LRP1B: variants seen among roughly 807,000 people sequenced by gnomAD.
LRP1B encodes low-density lipoprotein receptor-related protein 1B.
Under a neutral mutation model 556.6 loss-of-function variants are expected in LRP1B, and 217 were observed. The observed-to-expected ratio is 0.39, with a 90% CI of 0.35 to 0.44. The LOEUF is 0.44. Ranked by LOEUF, LRP1B falls within the 20% of genes least tolerant of loss-of-function variation. LRP1B has a pLI of 1.00. For synonymous variants in LRP1B, 2,047 were observed against 1,865.8 expected, an observed-to-expected ratio of 1.10 and a Z score of -2.50; for missense variants, 5,053 against 5,620.8, an observed-to-expected ratio of 0.90 and a Z score of 3.23.
At chr2:140,770,764 A>C in intron 34 of LRP1B, 117 bp downstream of exon 34, 3 of 702,908 alleles carry the variant, frequency 4.3e-6, no homozygotes, top group Non-Finnish European at 6.7e-6. Context: ...ACCATTTCCT[A>C]ATAACTAGTT....
intron 1 of LRP1B, among the ~76,000 whole-genome samples, chr2:142,035,798 A>G (rs1052876301): frequency 1.3e-5 from 2 of 151,646 alleles, no homozygotes; most frequent in African/African-American, 4.8e-5. Context: ...CTGTGTCCTC[A>G]CCGAAATCTC....
At position 141,271,876 on chromosome 2, in the gene LRP1B, A is replaced by G. The variant is rs576994768; in HGVS notation, c.344-17235T>C. On this transcript the variant is annotated intron_variant, in intron 3 of 90. Coordinates refer to ENST00000389484, the MANE Select transcript of LRP1B (RefSeq NM_018557.3). ...GTTGATTTATAAAGCAATTATGTAA[A>G]AATTATGTACATAATTGTATCAGGC... Among the ~76,000 whole-genome samples the G allele has an allele frequency of 1.6e-4, 25 of 152,058 alleles. No homozygotes were observed. The South Asian group carries it at 5.2e-3, about 32-fold the overall frequency.
At chr2:141,652,972 T>G (rs1035856432) in intron 2 of LRP1B, among the ~76,000 whole-genome samples, 1 of 152,210 alleles carries the variant, frequency 6.6e-6, no homozygotes, top group Non-Finnish European at 1.5e-5. Context: ...ATAATTATTT[T>G]GGGTTGTGAG....
In LRP1B at chr2:140,494,564, G is replaced by C. The variant is rs767723002; in HGVS notation, c.9034+1001C>G. 5.8e-5 allele frequency among the ~76,000 whole-genome samples: 8 copies of C among 137,690 alleles called. No homozygotes were observed. The Admixed American group carries it at 6.4e-4, about 11-fold the overall frequency. 90.3% of individuals were successfully genotyped at this position (137,690 alleles called of 152,430 possible). A position where few individuals can be genotyped will look rare whatever the true frequency, so the allele number is the denominator to read the frequency against. ...AGAGCTTGCAGCGAGCTAAGATCGCGCCACTGCACTCCAGCCTGGGTGACA... is the reference window on the plus strand; with the variant it reads ...AGAGCTTGCAGCGAGCTAAGATCGCCCCACTGCACTCCAGCCTGGGTGACA... On this transcript the variant is annotated intron_variant, in intron 56 of 90. Coordinates refer to ENST00000389484, the MANE Select transcript of LRP1B (RefSeq NM_018557.3).
intron 43 of LRP1B, among the ~76,000 whole-genome samples, chr2:140,588,756 G>T (rs1682091728): frequency 6.6e-6 from 1 of 152,072 alleles, no homozygotes; most frequent in African/African-American, 2.4e-5. Flanking sequence ...ACGAGGTCAG[G>T]AGATCAGCCT....
At chr2:140,500,097 T>G (rs1417017492) in intron 55 of LRP1B, among the ~76,000 whole-genome samples, 6 of 152,144 alleles carry the variant, frequency 3.9e-5, no homozygotes, top group African/African-American at 1.2e-4. Context: ...TCACTTGCTT[T>G]CTTTCTTTCT....
At chr2:140,607,891 T>C (rs1458533722) in intron 41 of LRP1B, among the ~76,000 whole-genome samples, 1 of 152,010 alleles carries the variant, frequency 6.6e-6, no homozygotes, top group East Asian at 1.9e-4. Flanking sequence ...ATGAATGGGA[T>C]GCAATAGATT....
intron 3 of LRP1B, among the ~76,000 whole-genome samples, chr2:141,362,621 C>G (rs1377575753): frequency 6.6e-6 from 1 of 152,152 alleles, no homozygotes; most frequent in East Asian, 1.9e-4. Context: ...TATGACATTT[C>G]TTTCAAAATT....
At chr2:142,116,066 A>T (rs993809143) in intron 1 of LRP1B, among the ~76,000 whole-genome samples, 1 of 147,326 alleles carries the variant, frequency 6.8e-6, no homozygotes, top group East Asian at 2.0e-4. Flanking sequence ...AAAATACAAA[A>T]ATTATCTGGG....
chr2:142,001,613 G>A (rs1467690828), intron 1 of LRP1B, among the ~76,000 whole-genome samples: 1 of 152,132 alleles, frequency 6.6e-6, no homozygotes, highest in Admixed American at 6.6e-5. Flanking sequence ...TCTTTCTCTT[G>A]AAATACAGCA....
intron 32 of LRP1B, among the ~76,000 whole-genome samples, chr2:140,807,350 C>G (rs1350581446): frequency 2.0e-5 from 3 of 150,080 alleles, no homozygotes; most frequent in Non-Finnish European, 4.5e-5. Context: ...TATTTATTTA[C>G]TTTTTTTTTA....
At chr2:140,789,489 C>T (rs559315518) in intron 32 of LRP1B, among the ~76,000 whole-genome samples, 1 of 152,248 alleles carries the variant, frequency 6.6e-6, no homozygotes, top group Admixed American at 6.5e-5. Context: ...AAGTGAAGTA[C>T]TAAGGTTTTA....
intron 32 of LRP1B, among the ~76,000 whole-genome samples, chr2:140,809,837 G>A (rs1384826995): frequency 1.3e-5 from 2 of 152,126 alleles, no homozygotes; most frequent in Non-Finnish European, 2.9e-5. Context: ...TCTTCACTGG[G>A]CTGCTTGAGT....
chr2:140,962,296 A>G (rs1235539751), intron 18 of LRP1B, among the ~76,000 whole-genome samples: 1 of 152,158 alleles, frequency 6.6e-6, no homozygotes, highest in Non-Finnish European at 1.5e-5. Context: ...CACAACCACT[A>G]TCCCCCATGC....
intron 7 of LRP1B, among the ~76,000 whole-genome samples, chr2:141,148,946 C>T (rs1465500065): frequency 1.3e-5 from 2 of 151,936 alleles, no homozygotes; most frequent in African/African-American, 4.8e-5. Flanking sequence ...GTTAGCTGGG[C>T]ATGGTGGTGG....
intron 1 of LRP1B, among the ~76,000 whole-genome samples, chr2:142,045,676 A>G (rs1299323540): frequency 1.3e-5 from 2 of 151,944 alleles, no homozygotes; most frequent in African/African-American, 2.4e-5. Context: ...TGCGTAATAC[A>G]TACTTTGTTT....
chr2:140,582,529 G>A (rs150272053), intron 43 of LRP1B, among the ~76,000 whole-genome samples: 75 of 152,272 alleles, frequency 4.9e-4, no homozygotes, highest in Non-Finnish European at 9.6e-4. Context: ...TGATAAAACC[G>A]TGAGGGAAGA....
intron 22 of LRP1B, among the ~76,000 whole-genome samples, chr2:140,904,551 C>T (rs1280319024): frequency 1.3e-5 from 2 of 152,042 alleles, no homozygotes; most frequent in South Asian, 2.1e-4. Context: ...TTTTTAAAAG[C>T]TTTATATGGG....
intron 43 of LRP1B, among the ~76,000 whole-genome samples, chr2:140,598,047 G>A (rs899092064): frequency 1.3e-5 from 2 of 152,110 alleles, no homozygotes; most frequent in South Asian, 2.1e-4. Flanking sequence ...ACAAGGGGGC[G>A]CCCTAGCATC....
Sources: allele counts gnomAD v4.1 joint callset (sites outside exome capture counted in the v4.1 genomes callset), GRCh38; gene constraint gnomAD v4.1.1; transcripts MANE v1.5; gene names NCBI Gene and HGNC (gene_info 2026-07-23, HGNC 2026-07-21).